ARHGAP15: variants seen among roughly 807,000 people sequenced by gnomAD.
The protein encoded by ARHGAP15 is rho GTPase-activating protein 15.
Under a neutral mutation model 63.7 loss-of-function variants are expected in ARHGAP15, and 51 were observed. The observed-to-expected ratio is 0.80, with a 90% CI of 0.64 to 1.01. The LOEUF is 1.01. ARHGAP15 is among the 50% of genes least tolerant of loss of function. The pLI, the probability that ARHGAP15 is intolerant of heterozygous loss-of-function variation, is 0.00. For synonymous variants in ARHGAP15, 191 were observed against 193.8 expected (o/e 0.99, Z 0.12); for missense variants, 560 against 564.6 (o/e 0.99, Z 0.08).
At chr2:143,610,067 G>A (rs539972043) in intron 11 of ARHGAP15, among the ~76,000 whole-genome samples, 50 of 152,106 alleles carry the variant, frequency 3.3e-4, no homozygotes, top group African/African-American at 1.2e-3. Context: ...TGGGAATATC[G>A]AGTATACTAG....
intron 13 of ARHGAP15, among the ~76,000 whole-genome samples, chr2:143,715,250 G>A (rs1384211732): frequency 2.6e-5 from 4 of 152,098 alleles, no homozygotes; most frequent in Non-Finnish European, 4.4e-5. Context: ...AGACTTATTC[G>A]CTATCACGAG....
chr2:143,551,575 C>A (rs570325926), intron 10 of ARHGAP15, among the ~76,000 whole-genome samples: 1 of 151,518 alleles, frequency 6.6e-6, no homozygotes, highest in African/African-American at 2.4e-5. Flanking sequence ...GTTTTTTTAA[C>A]CATGGAAATA....
intron 11 of ARHGAP15, chr2:143,571,797 C>CCATTATCT (rs1696468608): frequency 6.6e-6 from 1 of 152,160 alleles, no homozygotes; most frequent in African/African-American, 2.4e-5. Context: ...GGTTCACTCA[C>CCATTATCT]CATTATCTGC....
At chr2:143,613,943 G>T (rs1698359175) in intron 11 of ARHGAP15, among the ~76,000 whole-genome samples, 1 of 152,070 alleles carries the variant, frequency 6.6e-6, no homozygotes, top group Non-Finnish European at 1.5e-5. Context: ...TCAGTTGTAA[G>T]GACCTTCATG....
chr2:143,384,915 A>G (rs1166520319), intron 6 of ARHGAP15, among the ~76,000 whole-genome samples: 1 of 152,194 alleles, frequency 6.6e-6, no homozygotes, highest in African/African-American at 2.4e-5. Flanking sequence ...TTTTCCCCTA[A>G]TATCTTTACT....
At chr2:143,534,434 C>G (rs1020813404) in intron 10 of ARHGAP15, among the ~76,000 whole-genome samples, 3 of 152,182 alleles carry the variant, frequency 2.0e-5, no homozygotes, top group Non-Finnish European at 2.9e-5. Context: ...ACGCCACATA[C>G]AGTAAAACTG....
intron 13 of ARHGAP15, among the ~76,000 whole-genome samples, chr2:143,758,750 A>G (rs2105544025): frequency 6.6e-6 from 1 of 152,304 alleles, no homozygotes; most frequent in East Asian, 1.9e-4. Flanking sequence ...AAAAAGAGCC[A>G]TAACTTGATA....
At position 143,228,551 on chromosome 2, in the gene ARHGAP15, T is replaced by G. The variant is rs376540523; in HGVS notation, c.297-30T>G. On this transcript the variant is annotated intron_variant, in intron 4 of 13. Transcript: ENST00000295095. ...AAATGATTTCTTCAACTGATAATGC[T>G]TTCTTTCCCTTTTATTTTTTTGTCC... is the stretch of plus-strand genomic sequence containing the variant. 3 of 1,482,766 alleles carry G rather than the reference T, an allele frequency of 2.0e-6. No individual in the cohort carries two copies. The East Asian group carries it at 6.8e-5, about 34-fold the overall frequency. The allele number at this position is 1,482,766 out of a possible 1,614,324, so 91.9% of individuals were successfully genotyped here. A position where few individuals can be genotyped will look rare whatever the true frequency, so the allele number is the denominator to read the frequency against.
At chr2:143,137,065 A>T (rs1689174011) in intron 1 of ARHGAP15, among the ~76,000 whole-genome samples, 1 of 152,136 alleles carries the variant, frequency 6.6e-6, no homozygotes, top group African/African-American at 2.4e-5. Flanking sequence ...CTCTTTTAAT[A>T]TAATATTCCA....
At chr2:143,530,540 A>G (rs1559031014) in intron 10 of ARHGAP15, among the ~76,000 whole-genome samples, 1 of 152,114 alleles carries the variant, frequency 6.6e-6, no homozygotes, top group African/African-American at 2.4e-5. Flanking sequence ...CTGGTTCAAA[A>G]TATTATGCTC....
chr2:143,737,726 TTTTATTTATTTATTTATTTA>T lies in ARHGAP15; in HGVS notation c.1245-30239_1245-30220del, dbSNP rs142591625. 7.5e-5 allele frequency among the ~76,000 whole-genome samples: 11 copies of T among 146,800 alleles called. No individual in the cohort carries two copies. The South Asian group carries it at 8.7e-4, about 12-fold the overall frequency. On this transcript the variant is annotated intron_variant, in intron 13 of 13. Coordinates refer to ENST00000295095, the MANE Select transcript of ARHGAP15 (RefSeq NM_018460.4). ...CATGAAAACTTTTGAAACCTATTTA[TTTTATTTATTTATTTATTTA>T]TTTATTTATTTATTTATTTATTTTT...
At chr2:143,521,660 T>C (rs1455538037) in intron 10 of ARHGAP15, among the ~76,000 whole-genome samples, 2 of 152,172 alleles carry the variant, frequency 1.3e-5, no homozygotes, top group Non-Finnish European at 2.9e-5. Flanking sequence ...GAAATGCTGA[T>C]GGACCAGTTA....
intron 6 of ARHGAP15, among the ~76,000 whole-genome samples, chr2:143,287,920 T>A (rs13426382): frequency 0.061 from 9,323 of 152,264 alleles, 954 homozygotes; most frequent in African/African-American, 0.21. Context: ...AGGTGAAGGA[T>A]GCTGAATGTT....
chr2:143,448,390 G>A (rs1016606149), intron 8 of ARHGAP15, among the ~76,000 whole-genome samples: 17 of 152,106 alleles, frequency 1.1e-4, no homozygotes, highest in African/African-American at 3.9e-4. Flanking sequence ...TGGGGAAAAT[G>A]TGGAGAATGG....
At chr2:143,238,726 A>G (rs191628355) in intron 5 of ARHGAP15, among the ~76,000 whole-genome samples, 297 of 152,340 alleles carry the variant, frequency 1.9e-3, no homozygotes, top group Non-Finnish European at 3.5e-3. Context: ...TCATTCTATT[A>G]TAAAGACACA....
In ARHGAP15 at chr2:143,574,300, T is replaced by C. The variant is rs931511917; in HGVS notation, c.1003+17815T>C. Among the ~76,000 whole-genome samples the C allele has an allele frequency of 3.9e-5, 6 of 152,194 alleles. No individual in the cohort carries two copies. The South Asian group carries it at 8.3e-4, about 21-fold the overall frequency. On this transcript the variant is annotated intron_variant, in intron 11 of 13. Coordinates refer to ENST00000295095, the MANE Select transcript of ARHGAP15 (RefSeq NM_018460.4). ...ACCTTGACTACCCAAGTTTCCAATA[T>C]ACAAAGCCCAAAGACCTTCCTTATT...
rs75139383 is a variant in ARHGAP15, at chr2:143,762,084, G to A, written c.1245-5905G>A. Among the ~76,000 whole-genome samples, 366 of 152,112 alleles carry A rather than the reference G, an allele frequency of 2.4e-3. 2 individuals are homozygous for A. Among genetic ancestry groups the A allele is most frequent in the Non-Finnish European group, 4.3e-3 (292 of 67,996 alleles). On this transcript the variant is annotated intron_variant, in intron 13 of 13. Transcript: ENST00000295095. The stretch of plus-strand genomic sequence containing the variant: ...GCCTTTTTCAAGAATTGCAGTTTGG[G>A]GCCTTTTTTTCTGTTAGTTAAGCAT...
intron 9 of ARHGAP15, among the ~76,000 whole-genome samples, chr2:143,506,350 G>A (rs1026317588): frequency 6.6e-6 from 1 of 152,070 alleles, no homozygotes; most frequent in Admixed American, 6.6e-5. Context: ...CCTCAGACTT[G>A]TCACTCAAAC....
In ARHGAP15 at chr2:143,487,370, C is replaced by A; in HGVS notation, c.704-3C>A. The A allele has an allele frequency of 6.3e-7, 1 of 1,595,342 alleles. No individual in the cohort carries two copies. Among genetic ancestry groups the A allele is most frequent in the Non-Finnish European group, 8.5e-7 (1 of 1,174,758 alleles). ...AAAGCCTCTGATTTTTTTAAATCTT[C>A]AGTGTTCAGACTGCATCACAGTGCT... On this transcript the variant is annotated splice_polypyrimidine_tract_variant and splice_region_variant and intron_variant, in intron 8 of 13. Transcript: ENST00000295095.
Sources: gnomAD v4.1 joint callset for allele counts (sites outside exome capture counted in the v4.1 genomes callset) on GRCh38, gnomAD v4.1.1 for gene constraint, MANE v1.5 for transcripts, NCBI Gene and HGNC (gene_info 2026-07-23, HGNC 2026-07-21) for gene names.